The following TCEANC2 variants were observed in gnomAD, a reference collection of about 807,000 sequenced individuals.
TCEANC2 encodes the protein transcription elongation factor A N-terminal and central domain containing 2, also known as transcription elongation factor A N-terminal and central domain-containing protein 2.
Under a neutral mutation model 22.8 loss-of-function variants are expected in TCEANC2, and 20 were observed. That is an observed-to-expected ratio of 0.88 (90% CI 0.62 to 1.28). TCEANC2 has a LOEUF of 1.28. Ranked by LOEUF, TCEANC2 falls within the 50% of genes most tolerant of loss-of-function variation. TCEANC2 has a pLI of 0.00. For synonymous variants in TCEANC2, 84 were observed against 95.5 expected (o/e 0.88, Z 0.70); for missense variants, 251 against 249.7 (o/e 1.01, Z -0.03).
intron 2 of TCEANC2, among the ~76,000 whole-genome samples, chr1:54,064,172 T>C (rs373487789): frequency 2.2e-4 from 33 of 152,218 alleles, no homozygotes; most frequent in African/African-American, 7.5e-4. Context: ...AGGGAGAGAA[T>C]GAACAGACAG....
intron 2 of TCEANC2, among the ~76,000 whole-genome samples, chr1:54,060,808 T>A (rs1657838946): frequency 6.6e-6 from 1 of 151,768 alleles, no homozygotes; most frequent in Non-Finnish European, 1.5e-5. Flanking sequence ...GGTGTGGTGG[T>A]GGGCGCCTGT....
At chr1:54,075,409 A>T (rs868842327) in intron 3 of TCEANC2, among the ~76,000 whole-genome samples, 17 of 152,188 alleles carry the variant, frequency 1.1e-4, no homozygotes, top group African/African-American at 4.1e-4. Context: ...GACATGAGTA[A>T]AGGAATGGAG....
At position 54,092,369 on chromosome 1, in the gene TCEANC2, G is replaced by C. The variant is rs75713208; in HGVS notation, c.438+3579G>C. Among the ~76,000 whole-genome samples the C allele has an allele frequency of 3.3e-5, 5 of 152,306 alleles. No homozygotes were observed. In the East Asian group the frequency reaches 9.6e-4, roughly 29 times the overall value. On this transcript the variant is annotated intron_variant, in intron 4 of 4. Coordinates refer to ENST00000234827, the MANE Select transcript of TCEANC2 (RefSeq NM_153035.3). ...AAAGTGCAGAGCAGTTAAATCTGAT[G>C]GGGGAATCTGGGAATGTTTCGGAGA...
In TCEANC2 at chr1:54,101,966, G is replaced by C. The variant is rs1300949369; in HGVS notation, c.*5493G>C. The C allele has an allele frequency of 1.3e-5, 2 of 152,230 alleles. No homozygotes were observed. Among genetic ancestry groups the C allele is most frequent in the Admixed American group, 1.3e-4 (2 of 15,286 alleles). The allele number at this position is 152,230 out of a possible 1,614,324, so 9.4% of individuals were successfully genotyped here. The stretch of plus-strand genomic sequence containing the variant: ...ATTTTTGAAAACACAAATGGGCAGG[G>C]TGCAGTGAGATTTTTAGGGGCCAAT... On this transcript the variant is annotated 3_prime_UTR_variant, in exon 5 of 5. Coordinates refer to ENST00000234827, the MANE Select transcript of TCEANC2 (RefSeq NM_153035.3).
chr1:54,078,025 T>C (rs994002852), intron 3 of TCEANC2, among the ~76,000 whole-genome samples: 1 of 152,222 alleles, frequency 6.6e-6, no homozygotes, highest in Non-Finnish European at 1.5e-5. Flanking sequence ...TTTAGAAAGG[T>C]TGTTCCAATT....
At chr1:54,079,764 C>G (rs536778640) in intron 3 of TCEANC2, among the ~76,000 whole-genome samples, 1 of 152,128 alleles carries the variant, frequency 6.6e-6, no homozygotes, top group Non-Finnish European at 1.5e-5. Flanking sequence ...TGTAAGGTAA[C>G]GTAGTCACAG....
chr1:54,072,370 TA>T (rs1476257328), intron 3 of TCEANC2, among the ~76,000 whole-genome samples: 2 of 151,762 alleles, frequency 1.3e-5, no homozygotes, highest in African/African-American at 2.4e-5. Context: ...TTTTCATTTT[TA>T]AAAATTTGCT....
At position 54,083,643 on chromosome 1, in the gene TCEANC2, G is replaced by A. The variant is rs144952558; in HGVS notation, c.245-4954G>A. Among the ~76,000 whole-genome samples the A allele has an allele frequency of 3.9e-5, 6 of 152,186 alleles. No homozygotes were observed. The East Asian group carries it at 1.2e-3, about 30-fold the overall frequency. ...GTTTCTTGGAGAGAGAAAAGGTTAA[G>A]GTGAGACTCTTATGAAGGGAAGGAT... On this transcript the variant is annotated intron_variant, in intron 3 of 4. Coordinates refer to ENST00000234827, the MANE Select transcript of TCEANC2 (RefSeq NM_153035.3).
intron 3 of TCEANC2, among the ~76,000 whole-genome samples, chr1:54,078,899 TTC>T (rs1445113968): frequency 6.6e-6 from 1 of 152,124 alleles, no homozygotes; most frequent in Non-Finnish European, 1.5e-5. Flanking sequence ...CCAAAGACTG[TTC>T]TTAGAGGCAG....
In TCEANC2 at chr1:54,102,182, G is replaced by A. The variant is rs1296023215; in HGVS notation, c.*5709G>A. 6.6e-6 allele frequency: 1 copy of A among 152,254 alleles called. No homozygotes were observed. Among genetic ancestry groups the A allele is most frequent in the Non-Finnish European group, 1.5e-5 (1 of 68,084 alleles). 9.4% of individuals were successfully genotyped at this position (152,254 alleles called of 1,614,324 possible). ...AAAGTTGTGTTTTGATTGGGGCCCAGAGCAGGAAAGGGCTCAGCAGAAGCT... is the reference window on the plus strand; with the variant it reads ...AAAGTTGTGTTTTGATTGGGGCCCAAAGCAGGAAAGGGCTCAGCAGAAGCT... On this transcript the variant is annotated 3_prime_UTR_variant, in exon 5 of 5. Transcript: ENST00000234827.
chr1:54,081,636 CCTT>C (rs1658247191), intron 3 of TCEANC2, among the ~76,000 whole-genome samples: 1 of 152,024 alleles, frequency 6.6e-6, no homozygotes, highest in Non-Finnish European at 1.5e-5. Flanking sequence ...TTCCCAGACT[CCTT>C]CTCTTTCTTG....
intron 2 of TCEANC2, among the ~76,000 whole-genome samples, chr1:54,059,431 C>T (rs1329640291): frequency 1.3e-5 from 2 of 152,182 alleles, no homozygotes; most frequent in East Asian, 1.9e-4. Flanking sequence ...GGATTACAGG[C>T]GTAAGCCACC....
intron 3 of TCEANC2, among the ~76,000 whole-genome samples, chr1:54,080,374 C>T (rs146835904): frequency 6.6e-6 from 1 of 152,124 alleles, no homozygotes; most frequent in East Asian, 1.9e-4. Context: ...GAACTCCTGG[C>T]CTCATGTGAT....
rs1658647897 is a variant in TCEANC2 at position 54,100,643 on chromosome 1, T to A, written c.*4170T>A. ...TATGTGAAAGCACAGAAGCGTGAGG[T>A]GTATGGCTAGTTTCAGTAAAGGCAA... On this transcript the variant is annotated 3_prime_UTR_variant, in exon 5 of 5. Coordinates refer to ENST00000234827, the MANE Select transcript of TCEANC2 (RefSeq NM_153035.3). 1 of 152,074 alleles carries A rather than the reference T, an allele frequency of 6.6e-6. No homozygotes were observed. The highest frequency in any genetic ancestry group is 6.6e-5 in the Admixed American group (1 of 15,264). 9.4% of individuals were successfully genotyped at this position (152,074 alleles called of 1,614,324 possible).
chr1:54,082,325 T>A (rs764734205), intron 3 of TCEANC2, among the ~76,000 whole-genome samples: 1 of 152,246 alleles, frequency 6.6e-6, no homozygotes, highest in African/African-American at 2.4e-5. Flanking sequence ...TATAGTTTCA[T>A]TATTTTGTTT....
intron 3 of TCEANC2, among the ~76,000 whole-genome samples, chr1:54,086,663 A>G (rs1658345491): frequency 1.3e-5 from 2 of 152,224 alleles, no homozygotes; most frequent in Non-Finnish European, 2.9e-5. Context: ...AGGGACTTTT[A>G]TGAAAAGGTA....
chr1:54,103,509 A>G lies in TCEANC2; in HGVS notation c.*7036A>G, dbSNP rs1658696403. ...TGGGGGAAACCGGCTCCGTGATCCA[A>G]TCACTTCCCACCATGTCCCTCCCTC... On this transcript the variant is annotated 3_prime_UTR_variant, in exon 5 of 5. Coordinates refer to ENST00000234827, the MANE Select transcript of TCEANC2 (RefSeq NM_153035.3). The G allele has an allele frequency of 6.6e-6, 1 of 152,164 alleles. No individual in the cohort carries two copies. The highest frequency in any genetic ancestry group is 1.5e-5 in the Non-Finnish European group (1 of 68,050). 9.4% of individuals were successfully genotyped at this position (152,164 alleles called of 1,614,324 possible). A position where few individuals can be genotyped will look rare whatever the true frequency, so the allele number is the denominator to read the frequency against.
At chr1:54,093,241 CTTTTCTCAAGGACTCGG>C (rs1658481337) in intron 4 of TCEANC2, among the ~76,000 whole-genome samples, 1 of 152,062 alleles carries the variant, frequency 6.6e-6, no homozygotes, top group East Asian at 1.9e-4. Flanking sequence ...AGCAAAAGCC[CTTTTCTCAAGGACTCGG>C]TGAAACTCTG....
chr1:54,064,255 TA>T (rs1334988036), intron 2 of TCEANC2, among the ~76,000 whole-genome samples: 3 of 152,228 alleles, frequency 2.0e-5, no homozygotes, highest in African/African-American at 7.2e-5. Flanking sequence ...TAAATATGTT[TA>T]AAATGTTTGT....
Sources: gnomAD v4.1 joint callset for allele counts (sites outside exome capture counted in the v4.1 genomes callset) on GRCh38, gnomAD v4.1.1 for gene constraint, MANE v1.5 for transcripts, NCBI Gene and HGNC (gene_info 2026-07-23, HGNC 2026-07-21) for gene names.